Variants in KDM6B observed in about 807,000 individuals in gnomAD.
KDM6B encodes the protein lysine-specific demethylase 6B.
A neutral mutation model predicts 150.4 loss-of-function variants in KDM6B; 22 were observed. The ratio of observed to expected loss-of-function variants is 0.15; its 90% CI spans 0.10 to 0.21. The LOEUF is 0.21. Ranked by LOEUF, KDM6B falls within the 10% of genes least tolerant of loss-of-function variation. The pLI, the probability that KDM6B is intolerant of heterozygous loss-of-function variation, is 1.00. For synonymous variants in KDM6B, 1,148 were observed against 921.1 expected (o/e 1.25, Z -4.46); for missense variants, 1,984 against 2,234.3 (o/e 0.89, Z 2.26).
Position 7,846,603 on chromosome 17 carries a change from C to G in KDM6B, c.574C>G (p.Arg192Gly). The change falls in exon 9 of 24, where the codon CGG becomes GGG. Residue 192 changes from arginine (R) to glycine (G), a missense_variant. Coordinates refer to ENST00000448097, the MANE Select transcript of KDM6B (RefSeq NM_001348716.2). The stretch of plus-strand genomic sequence containing the variant: ...GCACAAACGGAACTATGGAGCCAAG[C>G]GGGGAGGTCCCCCGGTGAAGCGAGC... ...LEHKRNYGAK[R>G]GGPPVKRAAE... 1 of 1,614,074 alleles carries G rather than the reference C, an allele frequency of 6.2e-7. No individual in the cohort carries two copies. Among genetic ancestry groups the G allele is most frequent in the Non-Finnish European group, 8.5e-7 (1 of 1,179,990 alleles).
At chr17:7,852,414 G>A (rs3736305) in intron 20 of KDM6B, 78 bp downstream of exon 20, 219,844 of 1,334,340 alleles carry the variant, frequency 0.16, 18,275 homozygotes, top group Admixed American at 0.36. Context: ...TTGGAGAGCC[G>A]CCAGCAGTGA....
chr17:7,848,107 C>T lies in KDM6B; in HGVS notation c.1819C>T (p.Pro607Ser). ...TCTTGTACCCCTGACTCTTGCCCTGCCTCCAGCCCCTCCTTCCTCCTGCCA... is the reference window on the plus strand; with the variant it reads ...TCTTGTACCCCTGACTCTTGCCCTGTCTCCAGCCCCTCCTTCCTCCTGCCA... ...PPLVPLTLAL[P>S]PAPPSSCHQN... Residue 607 changes from proline (P) to serine (S), a missense_variant, in exon 12 of 24, where the codon CCT becomes TCT. Physicochemically the swap from Pro to Ser is moderately conservative, Grantham distance 74. This residue lies in a region of KDM6B where 1,379 missense variants were observed against 1,275.6 expected (regional missense o/e 1.08). Transcript: ENST00000448097. The T allele has an allele frequency of 2.5e-6, 4 of 1,612,942 alleles. No individual in the cohort carries two copies. The highest frequency in any genetic ancestry group is 3.4e-6 in the Non-Finnish European group (4 of 1,179,736).
At chr17:7,842,845 C>G (rs1203049169) in intron 2 of KDM6B, among the ~76,000 whole-genome samples, 1 of 150,146 alleles carries the variant, frequency 6.7e-6, no homozygotes, top group Non-Finnish European at 1.5e-5. Flanking sequence ...TGAATCAGAC[C>G]CCGAGGGAGG....
At position 7,848,115 on chromosome 17, in the gene KDM6B, C is replaced by T. The variant is rs771318154; in HGVS notation, c.1827C>T (p.Ala609=). The change falls in exon 12 of 24, where the codon GCC becomes GCT. Residue 609 remains alanine, a synonymous_variant. Coordinates refer to ENST00000448097, the MANE Select transcript of KDM6B (RefSeq NM_001348716.2). ...LVPLTLALPP[A]PPSSCHQNTS... ...CCCTGACTCTTGCCCTGCCTCCAGC[C>T]CCTCCTTCCTCCTGCCACCAAAATA... 49 of 1,612,908 alleles carry T rather than the reference C, an allele frequency of 3.0e-5. 1 individual carries two copies. In the African/African-American group the frequency reaches 4.9e-4, roughly 16 times the overall value.
At position 7,846,687 on chromosome 17, in the gene KDM6B, G is replaced by A; in HGVS notation, c.658G>A (p.Glu220Lys). Residue 220 changes from glutamate to lysine, a missense_variant, in exon 9 of 24, where the codon GAG becomes AAG. Physicochemically the swap from Glu to Lys is moderately conservative, Grantham distance 56. Transcript: ENST00000448097. ...TGCAGCACTCTCAGGCCCCTCAGGG[G>A]AGGAGGGCCTCAGCCCTGGAGGCAA... ...PPAALSGPSGEEGLSPGGKRR... is the reference protein window; with the variant it reads ...PPAALSGPSGKEGLSPGGKRR... 1 of 1,614,146 alleles carries A rather than the reference G, an allele frequency of 6.2e-7. No homozygotes were observed. Among genetic ancestry groups the A allele is most frequent in the Non-Finnish European group, 8.5e-7 (1 of 1,179,994 alleles).
At position 7,845,019 on chromosome 17, in the gene KDM6B, G is replaced by A. The variant is rs563003562; in HGVS notation, c.-150G>A. 306 of 200,996 alleles carry A rather than the reference G, an allele frequency of 1.5e-3. 1 individual carries two copies. The highest frequency in any genetic ancestry group is 2.9e-3 in the Admixed American group (54 of 18,888). The allele number at this position is 200,996 out of a possible 1,614,324, so 12.5% of individuals were successfully genotyped here. On this transcript the variant is annotated splice_region_variant and 5_prime_UTR_variant, in exon 3 of 24. Coordinates refer to ENST00000448097, the MANE Select transcript of KDM6B (RefSeq NM_001348716.2). ...GTGTGAGGACGCTCCCACGGAGGCC[G>A]GGTAAGCGGCCGCTGCGTTTTGGGT...
Position 7,847,722 on chromosome 17 carries a change from C to A in KDM6B, c.1434C>A (p.Arg478=). ...CACCCCCCTGTCCCCGCCTCTTACG[C>A]CCCCCACCACCCCCTGCCTGGTTGA... ...PPPPPCPRLL[R]PPPPPAWLKG... The change falls in exon 12 of 24, where the codon CGC becomes CGA. Residue 478 remains arginine, a synonymous_variant. Coordinates refer to ENST00000448097, the MANE Select transcript of KDM6B (RefSeq NM_001348716.2). 1.4e-6 allele frequency: 2 copies of A among 1,412,624 alleles called. No individual in the cohort carries two copies. Among genetic ancestry groups the A allele is most frequent in the Non-Finnish European group, 1.9e-6 (2 of 1,054,116 alleles). The allele number at this position is 1,412,624 out of a possible 1,614,324, so 87.5% of individuals were successfully genotyped here. A position where few individuals can be genotyped will look rare whatever the true frequency, so the allele number is the denominator to read the frequency against.
rs1434800198 is a variant in KDM6B, at chr17:7,843,395, C to T, written c.-268-1506C>T. 6.6e-6 allele frequency among the ~76,000 whole-genome samples: 1 copy of T among 152,166 alleles called. No homozygotes were observed. The highest frequency in any genetic ancestry group is 2.4e-5 in the African/African-American group (1 of 41,436). On this transcript the variant is annotated intron_variant, in intron 2 of 23. Coordinates refer to ENST00000448097, the MANE Select transcript of KDM6B (RefSeq NM_001348716.2). This position sits in a 1 kb window ranked among gnomAD's most constrained non-coding sequence, Gnocchi z 4.5. Reference sequence around the variant, plus strand: ...GGAGAGAGTTCTGACAGTAATACCACGTGAACCGCGGAGAGGGTCCGCGGG... The same window carrying T: ...GGAGAGAGTTCTGACAGTAATACCATGTGAACCGCGGAGAGGGTCCGCGGG...
chr17:7,849,297 AAAGGCC>A lies in KDM6B; in HGVS notation c.3020_3025del (p.Ala1007_Lys1008del), dbSNP rs777374865. The A allele has an allele frequency of 1.9e-6, 3 of 1,557,430 alleles. No homozygotes were observed. Among genetic ancestry groups the A allele is most frequent in the Admixed American group, 1.9e-5 (1 of 51,898 alleles). On this transcript the variant is annotated inframe_deletion, in exon 12 of 24. Coordinates refer to ENST00000448097, the MANE Select transcript of KDM6B (RefSeq NM_001348716.2). Reference sequence around the variant, plus strand: ...GTCGTCGGCCCCGTGAGGGCAGGGCAAAGGCCAAGGCCAAGGTCCCCAAAGAAAAGA... The same window carrying A: ...GTCGTCGGCCCCGTGAGGGCAGGGCAAAGGCCAAGGTCCCCAAAGAAAAGA...
chr17:7,849,077 G>C lies in KDM6B; in HGVS notation c.2789G>C (p.Arg930Pro), dbSNP rs144748295. Residue 930 changes from arginine to proline, a missense_variant, in exon 12 of 24, where the codon CGG becomes CCG. Around this residue, in one of 13 missense-constraint regions of KDM6B, gnomAD observed 1,379 missense variants for 1,275.6 expected, o/e 1.08. Transcript: ENST00000448097. Reference protein sequence around the residue: ...ACETLVERVGRSATDPADPVD... With the variant: ...ACETLVERVGPSATDPADPVD... ...GAGACCCTTGTGGAGCGGGTGGGCC[G>C]GAGTGCCACTGACCCAGCCGACCCA... 1.9e-6 allele frequency: 3 copies of C among 1,612,040 alleles called. No individual in the cohort carries two copies. Among genetic ancestry groups the C allele is most frequent in the Non-Finnish European group, 8.5e-7 (1 of 1,179,820 alleles).
At chr17:7,841,506 C>G (rs1291131794) in intron 2 of KDM6B, among the ~76,000 whole-genome samples, 2 of 152,140 alleles carry the variant, frequency 1.3e-5, no homozygotes, top group Non-Finnish European at 2.9e-5. Context: ...AGAGGCAGAC[C>G]CAGACAAAAG....
Position 7,848,450 on chromosome 17 carries a change from C to G in KDM6B, c.2162C>G (p.Pro721Arg). The G allele has an allele frequency of 6.2e-7, 1 of 1,612,616 alleles. No individual in the cohort carries two copies. The part of the protein sequence containing the change: ...EQQQHEAGVA[P>R]QPPLKEPFAS... The stretch of plus-strand genomic sequence containing the variant: ...CAACAACACGAAGCAGGCGTGGCCC[C>G]CCAACCCCCGCTGAAGGAGCCCTTT... Residue 721 changes from proline (P) to arginine (R), a missense_variant, in exon 12 of 24, where the codon CCC becomes CGC. Transcript: ENST00000448097.
intron 6 of KDM6B, 38 bp from the exon 7 acceptor site, chr17:7,846,040 C>T: frequency 6.6e-7 from 1 of 1,503,984 alleles, no homozygotes; most frequent in Non-Finnish European, 9.1e-7. Context: ...CCCTCAAGCC[C>T]AACCCCCACC....
intron 2 of KDM6B, among the ~76,000 whole-genome samples, chr17:7,841,877 C>T (rs2078420974): frequency 6.6e-6 from 1 of 152,122 alleles, no homozygotes; most frequent in South Asian, 2.1e-4. Flanking sequence ...GAGCCTCAGC[C>T]GGCGGCCCTC....
intron 1 of KDM6B, among the ~76,000 whole-genome samples, chr17:7,834,780 C>T (rs117899186): frequency 0.022 from 3,312 of 152,250 alleles, 58 homozygotes; most frequent in Middle Eastern, 0.085. Flanking sequence ...AGTCTCCCTC[C>T]AGTTCTCTGC....
Position 7,853,245 on chromosome 17 carries a change from G to A in KDM6B, c.4773G>A (p.Glu1591=), listed in dbSNP as rs906605503. The part of the protein sequence containing the change: ...EVFNILFVTS[E]NGSRNTYLVH... ...TTAACATCCTGTTCGTGACAAGTGA[G>A]AATGGCAGCCGCAACACGTACCTGG... Residue 1591 remains glutamate, a synonymous_variant, in exon 23 of 24, where the codon GAG becomes GAA. Coordinates refer to ENST00000448097, the MANE Select transcript of KDM6B (RefSeq NM_001348716.2). 3 of 1,611,242 alleles carry A rather than the reference G, an allele frequency of 1.9e-6. No individual in the cohort carries two copies. The highest frequency in any genetic ancestry group is 2.5e-6 in the Non-Finnish European group (3 of 1,179,254).
intron 18 of KDM6B, 38 bp downstream of exon 18, chr17:7,851,834 C>T (rs748154212): frequency 1.8e-5 from 28 of 1,560,428 alleles, no homozygotes; most frequent in African/African-American, 2.7e-5. Flanking sequence ...GCTGGAAGCG[C>T]GAGAGGAGGG....
rs950600074 is a variant in KDM6B, at chr17:7,853,862, A to C, written c.*341A>C. ...CACATACGGGTTCCCTCACCCTGCC[A>C]GCCGCCCGCCCGCCCGGCGCAGATG... On this transcript the variant is annotated 3_prime_UTR_variant, in exon 24 of 24. Coordinates refer to ENST00000448097, the MANE Select transcript of KDM6B (RefSeq NM_001348716.2). 1 of 181,476 alleles carries C rather than the reference A, an allele frequency of 5.5e-6. No individual in the cohort carries two copies. 11.2% of individuals were successfully genotyped at this position (181,476 alleles called of 1,614,324 possible). A position where few individuals can be genotyped will look rare whatever the true frequency, so the allele number is the denominator to read the frequency against.
At position 7,851,964 on chromosome 17, in the gene KDM6B, T is replaced by C; in HGVS notation, c.4179T>C (p.Asn1393=). 6.2e-7 allele frequency: 1 copy of C among 1,613,890 alleles called. No individual in the cohort carries two copies. The stretch of plus-strand genomic sequence containing the variant: ...CGACCCCTGCAGGCCACCAGGAGAA[T>C]AACAACTTCTGCTCCGTCAACATCA... ...PGSRTPGHQE[N]NNFCSVNINI... Residue 1393 remains asparagine, a synonymous_variant, in exon 19 of 24, where the codon AAT becomes AAC. Transcript: ENST00000448097.
Sources: allele counts gnomAD v4.1 joint callset (sites outside exome capture counted in the v4.1 genomes callset), GRCh38; gene constraint gnomAD v4.1.1; regional missense constraint gnomAD v4.1.1; non-coding constraint Gnocchi (gnomAD v3.1); transcripts MANE v1.5; gene names NCBI Gene and HGNC (gene_info 2026-07-23, HGNC 2026-07-21).